TMEM132A: variants seen among roughly 807,000 people sequenced by gnomAD.
TMEM132A encodes transmembrane protein 132A.
In TMEM132A, 48 loss-of-function variants were observed where a neutral mutation model predicts 69.9. The observed-to-expected ratio is 0.69, with a 90% CI of 0.55 to 0.87. The LOEUF (loss-of-function observed/expected upper bound fraction) is 0.87, where lower values mean the gene tolerates loss of function less well. Among genes scored for constraint, TMEM132A ranks in the 40% least tolerant of loss-of-function variants. The pLI is 0.00. For missense variants in TMEM132A, 1,287 were observed against 1,407.2 expected, an observed-to-expected ratio of 0.91 and a Z score of 1.37; for synonymous variants, 577 against 613.7, an observed-to-expected ratio of 0.94 and a Z score of 0.88.
Position 60,935,165 on chromosome 11 carries a change from G to C in TMEM132A, c.1837-87G>C. 7.5e-7 allele frequency: 1 copy of C among 1,326,140 alleles called. No individual in the cohort carries two copies. The highest frequency in any genetic ancestry group is 1.0e-6 in the Non-Finnish European group (1 of 959,906). The allele number at this position is 1,326,140 out of a possible 1,614,324, so 82.1% of individuals were successfully genotyped here. ...CTCCCCCACCTCCGGAGGGCAGCCC[G>C]TGAGGGTGCTGGGAGCACCCGGTTC... On this transcript the variant is annotated intron_variant, in intron 9 of 10. Coordinates refer to ENST00000453848, the MANE Select transcript of TMEM132A (RefSeq NM_178031.3). The surrounding 1 kb of genome is among the most constrained non-coding windows in gnomAD (Gnocchi z 5.0).
rs866353165 is a variant in TMEM132A at position 60,924,511 on chromosome 11, G to A, written c.-123G>A. 1 of 566,750 alleles carries A rather than the reference G, an allele frequency of 1.8e-6. No homozygotes were observed. The highest frequency in any genetic ancestry group is 5.3e-4 in the Middle Eastern group (1 of 1,894). The allele number at this position is 566,750 out of a possible 1,614,324, so 35.1% of individuals were successfully genotyped here. The stretch of plus-strand genomic sequence containing the variant: ...TTGCAGCCGCGGGGCGGGCGGCGGC[G>A]GCGGCGGCGGCGGCCGGGACCCAGC... On this transcript the variant is annotated 5_prime_UTR_variant, in exon 1 of 11. Transcript: ENST00000453848.
chr11:60,930,528 G>A lies in TMEM132A; in HGVS notation c.885G>A (p.Gly295=). The part of the protein sequence containing the change: ...LLTLRIKVKK[G]LHVTAARPAQ... ...TCCCCAGGATCAAGGTGAAGAAGGG[G>A]CTGCATGTGACAGCCGCCCGCCCAG... is the stretch of plus-strand genomic sequence containing the variant. Residue 295 remains glycine (G), a synonymous_variant, in exon 5 of 11, where the codon GGG becomes GGA. Coordinates refer to ENST00000453848, the MANE Select transcript of TMEM132A (RefSeq NM_178031.3). 1 of 1,607,680 alleles carries A rather than the reference G, an allele frequency of 6.2e-7. No individual in the cohort carries two copies. Among genetic ancestry groups the A allele is most frequent in the Non-Finnish European group, 8.5e-7 (1 of 1,176,940 alleles).
intron 1 of TMEM132A, 137 bp from the exon 2 acceptor site, chr11:60,927,067 G>C: frequency 2.7e-6 from 2 of 752,908 alleles, no homozygotes; most frequent in Middle Eastern, 4.5e-4. Flanking sequence ...TCTGTGAAAT[G>C]GTGGTGAGAG....
chr11:60,932,133 T>G lies in TMEM132A; in HGVS notation c.1356+6T>G. 6.5e-7 allele frequency: 1 copy of G among 1,528,536 alleles called. No individual in the cohort carries two copies. Among genetic ancestry groups the G allele is most frequent in the Non-Finnish European group, 8.8e-7 (1 of 1,140,520 alleles). The allele number at this position is 1,528,536 out of a possible 1,614,324, so 94.7% of individuals were successfully genotyped here. A position where few individuals can be genotyped will look rare whatever the true frequency, so the allele number is the denominator to read the frequency against. On this transcript the variant is annotated splice_donor_region_variant and intron_variant, in intron 7 of 10. Transcript: ENST00000453848. Reference sequence around the variant, plus strand: ...CCAACACACAGGTCCTGCAGGTGAGTGGCAGGTGCCCAGCTCATGTGAGTC... The same window carrying G: ...CCAACACACAGGTCCTGCAGGTGAGGGGCAGGTGCCCAGCTCATGTGAGTC...
chr11:60,937,108 T>C lies in TMEM132A; in HGVS notation c.*201T>C. 1.6e-5 allele frequency: 23 copies of C among 1,478,016 alleles called. No individual in the cohort carries two copies. The highest frequency in any genetic ancestry group is 4.3e-5 in the Admixed American group (2 of 46,376). 91.6% of individuals were successfully genotyped at this position (1,478,016 alleles called of 1,614,324 possible). A position where few individuals can be genotyped will look rare whatever the true frequency, so the allele number is the denominator to read the frequency against. ...GTCGTGAGGAAGGGCTCATGCCCCT[T>C]ATTTATGGGAACCATTTCATTCTAA... On this transcript the variant is annotated 3_prime_UTR_variant, in exon 11 of 11. Transcript: ENST00000453848.
intron 4 of TMEM132A, among the ~76,000 whole-genome samples, 185 bp from the exon 5 acceptor site, chr11:60,930,325 T>G (rs1259187659): frequency 6.6e-6 from 1 of 151,978 alleles, no homozygotes; most frequent in African/African-American, 2.4e-5. Context: ...GGTCTTTGGG[T>G]GGGGGAGAGC....
At chr11:60,933,828 A>G (rs1056228648) in intron 8 of TMEM132A, 84 bp downstream of exon 8, 46 of 1,329,536 alleles carry the variant, frequency 3.5e-5, no homozygotes, top group Non-Finnish European at 4.5e-5. Context: ...CCATGGGCCC[A>G]AGTCGGGGTC....
rs112750955 is a variant in TMEM132A, at chr11:60,936,526, G to T, written c.2691G>T (p.Trp897Cys). The T allele has an allele frequency of 3.0e-3, 4,812 of 1,613,686 alleles. 9 individuals are homozygous for T. Among genetic ancestry groups the T allele is most frequent in the Non-Finnish European group, 3.4e-3 (4,018 of 1,179,970 alleles). The change falls in exon 11 of 11, where the codon TGG becomes TGT. Residue 897 changes from tryptophan to cysteine, a missense_variant. Trp to Cys is a radical substitution (Grantham distance 215). Coordinates refer to ENST00000453848, the MANE Select transcript of TMEM132A (RefSeq NM_178031.3). ...CCCCCCAGCCCCACAACTGGGTCTG[G>T]CTGGGCACTGACCAGGAGGAACTGA... is the stretch of plus-strand genomic sequence containing the variant. The part of the protein sequence containing the change: ...PTSPQPHNWV[W>C]LGTDQEELSR...
At chr11:60,926,910 C>T in intron 1 of TMEM132A, 1 of 491,416 alleles carries the variant, frequency 2.0e-6, no homozygotes, top group South Asian at 2.2e-5. Flanking sequence ...GAAAAGGAGA[C>T]ATTGAGAAGG....
rs145457758 is a variant in TMEM132A, at chr11:60,927,715, G to A, written c.390G>A (p.Ala130=). Residue 130 remains alanine, a synonymous_variant, in exon 3 of 11, where the codon GCG becomes GCA. Transcript: ENST00000453848. ...ACGTGCGGGCCGTTTCAGTGGAAGC[G>A]GCTGTGACTCCAGCAGAGCCCTACG... ...PWDVRAVSVE[A]AVTPAEPYAR... 1.8e-5 allele frequency: 29 copies of A among 1,613,656 alleles called. 1 individual carries two copies. The highest frequency in any genetic ancestry group is 3.3e-4 in the Middle Eastern group (2 of 6,062).
rs1856595849 is a variant in TMEM132A at position 60,936,244 on chromosome 11, C to T, written c.2409C>T (p.Gly803=). Reference sequence around the variant, plus strand: ...GGCAGGTGGCAGGCAGTGTCGGGGGCAACACAGGTGTGAGGGGCAAGTTTG... The same window carrying T: ...GGCAGGTGGCAGGCAGTGTCGGGGGTAACACAGGTGTGAGGGGCAAGTTTG... ...GKRQVAGSVG[G]NTGVRGKFER... is the part of the protein sequence containing the mutation. Residue 803 remains glycine (G), a synonymous_variant, in exon 11 of 11, where the codon GGC becomes GGT. Transcript: ENST00000453848. 3.7e-6 allele frequency: 6 copies of T among 1,613,854 alleles called. No homozygotes were observed. Among genetic ancestry groups the T allele is most frequent in the Non-Finnish European group, 5.1e-6 (6 of 1,179,986 alleles).
rs753559216 is a variant in TMEM132A, at chr11:60,927,333, G to T, written c.230G>T (p.Arg77Leu). The T allele has an allele frequency of 2.1e-5, 34 of 1,613,272 alleles. No individual in the cohort carries two copies. The highest frequency in any genetic ancestry group is 2.7e-5 in the Non-Finnish European group (32 of 1,179,984). ...YPPANSSLSS[R>L]SETFLLLQPW... ...CCTGCCAACTCCTCTCTGAGCTCCC[G>T]ATCTGAGACCTTTCTGCTCCTACAG... The change falls in exon 2 of 11, where the codon CGA becomes CTA. Residue 77 changes from arginine to leucine, a missense_variant. By Grantham distance (102) the Arg-to-Leu change is moderately radical (BLOSUM62 -2). Coordinates refer to ENST00000453848, the MANE Select transcript of TMEM132A (RefSeq NM_178031.3).
rs1856304865 is a variant in TMEM132A, at chr11:60,924,499, GCGGGCGGCGGCGGCGGCGGCGGCGGC to G, written c.-130_-105del. The G allele has an allele frequency of 2.1e-6, 1 of 480,764 alleles. No individual in the cohort carries two copies. The highest frequency in any genetic ancestry group is 3.3e-6 in the Non-Finnish European group (1 of 303,338). The allele number at this position is 480,764 out of a possible 1,614,324, so 29.8% of individuals were successfully genotyped here. A position where few individuals can be genotyped will look rare whatever the true frequency, so the allele number is the denominator to read the frequency against. On this transcript the variant is annotated 5_prime_UTR_variant, in exon 1 of 11. Coordinates refer to ENST00000453848, the MANE Select transcript of TMEM132A (RefSeq NM_178031.3). The stretch of plus-strand genomic sequence containing the variant: ...ATTGTCTGGGAATTGCAGCCGCGGG[GCGGGCGGCGGCGGCGGCGGCGGCGGC>G]CGGGACCCAGCGGGCCAGGTGGGGA...
At chr11:60,931,351 C>T (rs928250575) in intron 5 of TMEM132A, among the ~76,000 whole-genome samples, 1 of 152,150 alleles carries the variant, frequency 6.6e-6, no homozygotes, top group East Asian at 1.9e-4. Context: ...GTGAATCTCC[C>T]GCATGCCACC....
At chr11:60,934,195 C>G (rs1338612680) in intron 8 of TMEM132A, 2 of 388,580 alleles carry the variant, frequency 5.1e-6, no homozygotes, top group Non-Finnish European at 9.1e-6. Flanking sequence ...AGCTTCCAGG[C>G]CCTTCAGAGA....
Position 60,927,751 on chromosome 11 carries a change from C to T in TMEM132A, c.426C>T (p.Leu142=), listed in dbSNP as rs1285095596. Residue 142 remains leucine, a synonymous_variant, in exon 3 of 11, where the codon CTC becomes CTT. Transcript: ENST00000453848. Reference sequence around the variant, plus strand: ...CAGCAGAGCCCTACGCCCGGGTTCTCTTCCACCTCAAAGGGCAGGATTGGC... The same window carrying T: ...CAGCAGAGCCCTACGCCCGGGTTCTTTTCCACCTCAAAGGGCAGGATTGGC... ...VTPAEPYARV[L]FHLKGQDWPP... 6.2e-7 allele frequency: 1 copy of T among 1,613,480 alleles called. No homozygotes were observed. Among genetic ancestry groups the T allele is most frequent in the East Asian group, 2.2e-5 (1 of 44,890 alleles).
chr11:60,926,025 G>A (rs1856339495), intron 1 of TMEM132A: 1 of 152,190 alleles, frequency 6.6e-6, no homozygotes, highest in African/African-American at 2.4e-5. Context: ...TTGTTTATAG[G>A]AAGATTACTA....
At chr11:60,928,027 G>A (rs1856392188) in intron 3 of TMEM132A, among the ~76,000 whole-genome samples, 168 bp downstream of exon 3, 1 of 152,180 alleles carries the variant, frequency 6.6e-6, no homozygotes, top group South Asian at 2.1e-4. Flanking sequence ...GGTTATTTAG[G>A]GCCCCAGAGG....
Position 60,937,133 on chromosome 11 carries a change from A to T in TMEM132A, c.*226A>T. ...TATTTATGGGAACCATTTCATTCTA[A>T]CAGAATAAACCGAGAAGGAAACCAG... On this transcript the variant is annotated 3_prime_UTR_variant, in exon 11 of 11. Transcript: ENST00000453848. 1 of 1,525,302 alleles carries T rather than the reference A, an allele frequency of 6.6e-7. No homozygotes were observed. 94.5% of individuals were successfully genotyped at this position (1,525,302 alleles called of 1,614,324 possible). A position where few individuals can be genotyped will look rare whatever the true frequency, so the allele number is the denominator to read the frequency against.
Sources: gnomAD v4.1 joint callset for allele counts (sites outside exome capture counted in the v4.1 genomes callset) on GRCh38, gnomAD v4.1.1 for gene constraint, Gnocchi (gnomAD v3.1) non-coding constraint, MANE v1.5 for transcripts, NCBI Gene and HGNC (gene_info 2026-07-23, HGNC 2026-07-21) for gene names.